The following NSMCE2 variants were observed in gnomAD, a reference collection of about 807,000 sequenced individuals.
The protein encoded by NSMCE2 is E3 SUMO-protein ligase NSE2.
NSMCE2 carries 24 observed loss-of-function variants against 23.8 expected under a neutral mutation model. The observed-to-expected ratio is 1.01, with a 90% CI of 0.73 to 1.42. The LOEUF is 1.42. NSMCE2 is among the 40% of genes most tolerant of loss of function. The pLI is 0.00. For synonymous variants in NSMCE2, 92 were observed against 94.1 expected, an observed-to-expected ratio of 0.98 and a Z score of 0.13; for missense variants, 284 against 296.5, an observed-to-expected ratio of 0.96 and a Z score of 0.31.
chr8:125,099,790 A>G (rs1818098471), intron 1 of NSMCE2, among the ~76,000 whole-genome samples: 1 of 152,182 alleles, frequency 6.6e-6, no homozygotes, highest in Non-Finnish European at 1.5e-5. Context: ...ATACAAATCT[A>G]CAGACGAGTT....
intron 5 of NSMCE2, among the ~76,000 whole-genome samples, chr8:125,271,918 C>T (rs541934565): frequency 1.4e-4 from 21 of 152,046 alleles, no homozygotes; most frequent in African/African-American, 4.6e-4. Context: ...ATTATTGCTC[C>T]GTTTTTCAGG....
rs73348180 is a variant in NSMCE2 at position 125,152,174 on chromosome 8, A to G, written c.264+897A>G. ...ACTATAGTATTTGACTAACTTTAAGAATATCACCTATATCCAAATAATAAA... is the reference window on the plus strand; with the variant it reads ...ACTATAGTATTTGACTAACTTTAAGGATATCACCTATATCCAAATAATAAA... On this transcript the variant is annotated intron_variant, in intron 4 of 7. Coordinates refer to ENST00000287437, the MANE Select transcript of NSMCE2 (RefSeq NM_173685.4). Among the ~76,000 whole-genome samples, 484 of 152,328 alleles carry G rather than the reference A, an allele frequency of 3.2e-3. 4 individuals carry two copies. The highest frequency in any genetic ancestry group is 0.011 in the African/African-American group (468 of 41,580).
chr8:125,249,646 G>A (rs1431033312), intron 5 of NSMCE2, among the ~76,000 whole-genome samples: 3 of 152,154 alleles, frequency 2.0e-5, no homozygotes, highest in African/African-American at 4.8e-5. Context: ...AGTGCAATCA[G>A]CCTGGCCCAC....
At chr8:125,129,249 A>G (rs1819644079) in intron 3 of NSMCE2, among the ~76,000 whole-genome samples, 2 of 152,088 alleles carry the variant, frequency 1.3e-5, no homozygotes, top group Admixed American at 6.6e-5. Flanking sequence ...TGAGATTGAG[A>G]AGGAGCCACT....
At chr8:125,309,939 G>C (rs1250186990) in intron 5 of NSMCE2, among the ~76,000 whole-genome samples, 1 of 152,204 alleles carries the variant, frequency 6.6e-6, no homozygotes, top group Non-Finnish European at 1.5e-5. Flanking sequence ...AGAAGGAAAT[G>C]TTAAAGCTCT....
chr8:125,245,719 T>C (rs551186869), intron 5 of NSMCE2, among the ~76,000 whole-genome samples: 22 of 151,972 alleles, frequency 1.4e-4, no homozygotes, highest in African/African-American at 5.3e-4. Flanking sequence ...TTACTGAAAA[T>C]TGAAACAAAA....
At chr8:125,117,472 A>G (rs1819063103) in intron 3 of NSMCE2, among the ~76,000 whole-genome samples, 1 of 152,174 alleles carries the variant, frequency 6.6e-6, no homozygotes, top group South Asian at 2.1e-4. Context: ...CGATATCTCG[A>G]TATCCTGATA....
chr8:125,267,438 G>A (rs1202825452), intron 5 of NSMCE2, among the ~76,000 whole-genome samples: 1 of 152,204 alleles, frequency 6.6e-6, no homozygotes, highest in Non-Finnish European at 1.5e-5. Flanking sequence ...AATGTGAGAA[G>A]TAAGGCTAGA....
chr8:125,153,959 A>G (rs888114643), intron 4 of NSMCE2, among the ~76,000 whole-genome samples: 16 of 152,198 alleles, frequency 1.1e-4, no homozygotes, highest in African/African-American at 2.4e-4. Context: ...CAAGAGTCAT[A>G]TAGGATTAAG....
At chr8:125,187,400 G>A (rs563529615) in intron 5 of NSMCE2, among the ~76,000 whole-genome samples, 8 of 152,222 alleles carry the variant, frequency 5.3e-5, no homozygotes, top group South Asian at 2.1e-4. Flanking sequence ...AATATGATTC[G>A]GTTTAAGGCA....
chr8:125,182,003 C>G, intron 4 of NSMCE2, 100 bp from the exon 5 acceptor site: 1 of 896,486 alleles, frequency 1.1e-6, no homozygotes. Context: ...ACCTCACTAT[C>G]TTTTGCTTTG....
At chr8:125,149,031 T>A (rs912196907) in intron 3 of NSMCE2, among the ~76,000 whole-genome samples, 7 of 152,194 alleles carry the variant, frequency 4.6e-5, no homozygotes, top group Admixed American at 1.3e-4. Flanking sequence ...TTGTTGACTT[T>A]CAGAAATTTT....
At chr8:125,118,043 C>T (rs988382133) in intron 3 of NSMCE2, among the ~76,000 whole-genome samples, 31 of 152,222 alleles carry the variant, frequency 2.0e-4, no homozygotes, top group Middle Eastern at 6.8e-3. Context: ...GGTGCATCAG[C>T]ATCACTTTAG....
At chr8:125,302,935 A>G (rs535151151) in intron 5 of NSMCE2, among the ~76,000 whole-genome samples, 4 of 152,276 alleles carry the variant, frequency 2.6e-5, no homozygotes, top group African/African-American at 9.6e-5. Context: ...CTGAGCACAC[A>G]TCATGCACCA....
chr8:125,286,021 C>T (rs1245398793), intron 5 of NSMCE2, among the ~76,000 whole-genome samples: 1 of 151,992 alleles, frequency 6.6e-6, no homozygotes, highest in African/African-American at 2.4e-5. Flanking sequence ...ACACTACCCC[C>T]GAGAACAGTC....
intron 5 of NSMCE2, among the ~76,000 whole-genome samples, chr8:125,263,011 T>A (rs1826763097): frequency 6.6e-6 from 1 of 152,200 alleles, no homozygotes; most frequent in Non-Finnish European, 1.5e-5. Flanking sequence ...TACCATTTCC[T>A]CCACTTCCTG....
At position 125,164,147 on chromosome 8, in the gene NSMCE2, A is replaced by T. The variant is rs111391574; in HGVS notation, c.264+12870A>T. Among the ~76,000 whole-genome samples the T allele has an allele frequency of 2.0e-5, 3 of 152,324 alleles. No individual in the cohort carries two copies. In the East Asian group the frequency reaches 5.8e-4, roughly 29 times the overall value. ...CTTTGACTGAAATTCTGAAACCAAC[A>T]TTCTTTCCCTCAGTGAAAGGGTGAG... On this transcript the variant is annotated intron_variant, in intron 4 of 7. Coordinates refer to ENST00000287437, the MANE Select transcript of NSMCE2 (RefSeq NM_173685.4).
At chr8:125,202,405 GA>G (rs1823925589) in intron 5 of NSMCE2, among the ~76,000 whole-genome samples, 1 of 152,170 alleles carries the variant, frequency 6.6e-6, no homozygotes, top group African/African-American at 2.4e-5. Flanking sequence ...TATATATGTT[GA>G]TAACAGTGGT....
intron 3 of NSMCE2, among the ~76,000 whole-genome samples, chr8:125,122,385 T>C (rs530774379): frequency 6.6e-6 from 1 of 152,256 alleles, no homozygotes; most frequent in Non-Finnish European, 1.5e-5. Flanking sequence ...AAATGGTAGT[T>C]ATTACCTTCT....
Sources: gnomAD v4.1 joint callset for allele counts (sites outside exome capture counted in the v4.1 genomes callset) on GRCh38, gnomAD v4.1.1 for gene constraint, MANE v1.5 for transcripts, NCBI Gene and HGNC (gene_info 2026-07-23, HGNC 2026-07-21) for gene names.